The following GSE1 variants were observed in gnomAD, a reference collection of about 807,000 sequenced individuals.
GSE1 encodes genetic suppressor element 1.
GSE1 carries 32 observed loss-of-function variants against 112.6 expected under a neutral mutation model. The ratio of observed to expected loss-of-function variants is 0.28; its 90% confidence interval spans 0.21 to 0.38. GSE1 has a LOEUF of 0.38. GSE1 is among the 10% of genes least tolerant of loss of function. GSE1 has a pLI of 1.00. For missense variants in GSE1, 2,348 were observed against 1,699.2 expected (o/e 1.38, Z -6.71); for synonymous variants, 1,115 against 735.6 (o/e 1.52, Z -8.35).
At chr16:85,279,515 G>C (rs897311618) in intron 1 of GSE1, among the ~76,000 whole-genome samples, 1 of 152,146 alleles carries the variant, frequency 6.6e-6, no homozygotes, top group African/African-American at 2.4e-5. Flanking sequence ...GGGATCACTT[G>C]AGCCCAGGAG....
In GSE1 at chr16:85,599,052, G is replaced by A. The variant is rs974912060; in HGVS notation, c.37+42689G>A. 9.8e-5 allele frequency among the ~76,000 whole-genome samples: 15 copies of A among 152,308 alleles called. 1 individual carries two copies. Among genetic ancestry groups the A allele is most frequent in the South Asian group, 2.1e-4 (1 of 4,832 alleles). Reference sequence around the variant, plus strand: ...TCCAGTAACCGCAGGAGACGTCTTCGGGTAAGGCCCACTCACATCTTCGTG... The same window carrying A: ...TCCAGTAACCGCAGGAGACGTCTTCAGGTAAGGCCCACTCACATCTTCGTG... On this transcript the variant is annotated intron_variant, in intron 1 of 2. Coordinates refer to the GSE1 transcript ENST00000635906.
intron 1 of GSE1, among the ~76,000 whole-genome samples, chr16:85,310,247 G>T (rs2045800247): frequency 6.6e-6 from 1 of 152,216 alleles, no homozygotes. Flanking sequence ...CGTGAGGCGT[G>T]TAACTGCTGT....
chr16:85,618,233 C>T lies in GSE1; in HGVS notation c.7+4835C>T, dbSNP rs369924721. On this transcript the variant is annotated intron_variant, in intron 1 of 15. Transcript: ENST00000253458. ...TGAGGGGGGTGCGTGCTAATGGTGA[C>T]ATAGATCCTTCCACTTTAATCATCA... 3.9e-5 allele frequency among the ~76,000 whole-genome samples: 6 copies of T among 152,226 alleles called. No individual in the cohort carries two copies. The East Asian group carries it at 9.7e-4, about 24-fold the overall frequency.
chr16:85,469,140 C>T (rs991579891), intron 2 of GSE1, among the ~76,000 whole-genome samples: 12 of 152,220 alleles, frequency 7.9e-5, no homozygotes, highest in African/African-American at 2.6e-4. Flanking sequence ...CCTGTAATCC[C>T]AGCCACTCGG....
In GSE1 at chr16:85,201,269, C is replaced by G. The variant is rs79580257; in HGVS notation, c.2283+29462C>G. Among the ~76,000 whole-genome samples the G allele has an allele frequency of 7.9e-3, 1,194 of 151,468 alleles. 24 individuals are homozygous for G. The highest frequency in any genetic ancestry group is 0.027 in the African/African-American group (1,135 of 41,302). ...TTTTTGTTTTAGAGACAGGGCCTCCCTGTGTTGCTCAGGCTGAGTTTGAAC... is the reference window on the plus strand; with the variant it reads ...TTTTTGTTTTAGAGACAGGGCCTCCGTGTGTTGCTCAGGCTGAGTTTGAAC... On this transcript the variant is annotated intron_variant, in intron 1 of 2. Transcript: ENST00000637419.
chr16:85,654,249 T>C (rs1312833765), intron 3 of GSE1, 29 bp from the exon 4 acceptor site: 1 of 1,564,824 alleles, frequency 6.4e-7, no homozygotes, highest in Admixed American at 1.9e-5. Context: ...ACCAGGCTCC[T>C]GCCCTGACTG....
At chr16:85,649,188 T>A (rs2051128714) in intron 3 of GSE1, among the ~76,000 whole-genome samples, 1 of 152,142 alleles carries the variant, frequency 6.6e-6, no homozygotes. Context: ...CCCACCCTAA[T>A]GTCCTTATTC....
At chr16:85,300,002 A>G (rs751805266) in intron 1 of GSE1, among the ~76,000 whole-genome samples, 2 of 151,050 alleles carry the variant, frequency 1.3e-5, no homozygotes, top group Non-Finnish European at 1.5e-5. Flanking sequence ...TATAACATAC[A>G]ATTTCCCATG....
At chr16:85,349,830 C>T (rs2046817915) in intron 1 of GSE1, among the ~76,000 whole-genome samples, 1 of 152,222 alleles carries the variant, frequency 6.6e-6, no homozygotes, top group Non-Finnish European at 1.5e-5. Flanking sequence ...GCAAACCTCC[C>T]CTCTCTGCCA....
intron 1 of GSE1, among the ~76,000 whole-genome samples, chr16:85,343,547 G>A (rs905252988): frequency 3.3e-5 from 5 of 152,104 alleles, no homozygotes; most frequent in Admixed American, 6.5e-5. Context: ...CCAACAGTTC[G>A]AGATGAGCTT....
intron 2 of GSE1, among the ~76,000 whole-genome samples, chr16:85,512,052 C>T (rs1048653480): frequency 5.3e-5 from 8 of 152,072 alleles, no homozygotes; most frequent in South Asian, 4.2e-4. Context: ...TGTGAGGGTC[C>T]GGGGGCTGGA....
chr16:85,456,759 C>A (rs893380297), intron 2 of GSE1, among the ~76,000 whole-genome samples: 12 of 152,132 alleles, frequency 7.9e-5, no homozygotes, highest in African/African-American at 2.9e-4. Context: ...GGGTGAGAGG[C>A]CCGCTAGGAG....
chr16:85,174,756 C>T (rs185319245), intron 1 of GSE1, among the ~76,000 whole-genome samples: 4 of 152,164 alleles, frequency 2.6e-5, no homozygotes, highest in African/African-American at 4.8e-5. Context: ...GCATGGGCAG[C>T]GAAGGTGACA....
intron 1 of GSE1, among the ~76,000 whole-genome samples, chr16:85,324,184 C>T (rs372267474): frequency 6.6e-6 from 1 of 152,118 alleles, no homozygotes; most frequent in African/African-American, 2.4e-5. Flanking sequence ...GCCCGAGGAC[C>T]CAGTTACTGC....
At chr16:85,276,295 C>T (rs376748067) in intron 1 of GSE1, among the ~76,000 whole-genome samples, 6 of 152,138 alleles carry the variant, frequency 3.9e-5, no homozygotes, top group East Asian at 3.9e-4. Flanking sequence ...CTTGTTACAA[C>T]GGGTACTGCT....
intron 1 of GSE1, among the ~76,000 whole-genome samples, chr16:85,266,259 T>C (rs2144141601): frequency 6.6e-6 from 1 of 152,224 alleles, no homozygotes; most frequent in African/African-American, 2.4e-5. Flanking sequence ...GCATGCGTCC[T>C]CTCTCTCTAG....
At position 85,639,736 on chromosome 16, in the gene GSE1, G is replaced by A. The variant is rs372105216; in HGVS notation, c.226+5604G>A. On this transcript the variant is annotated intron_variant, in intron 2 of 15. Coordinates refer to ENST00000253458, the MANE Select transcript of GSE1 (RefSeq NM_014615.5). ...CCAGTGTCTCTGCAGAGGGCAGGCC[G>A]TGGAGCCTCCACCGCCGCCCCCACT... Among the ~76,000 whole-genome samples the A allele has an allele frequency of 4.3e-4, 65 of 152,380 alleles. No homozygotes were observed. In the East Asian group the frequency reaches 0.01, roughly 24 times the overall value.
At chr16:85,449,287 C>T (rs1350207334) in intron 2 of GSE1, among the ~76,000 whole-genome samples, 1 of 152,248 alleles carries the variant, frequency 6.6e-6, no homozygotes, top group Admixed American at 6.5e-5. Context: ...GGCAGCTGTT[C>T]CTGGCCTAAC....
chr16:85,421,652 C>G (rs558599874), intron 2 of GSE1, among the ~76,000 whole-genome samples: 40 of 152,274 alleles, frequency 2.6e-4, no homozygotes, highest in Non-Finnish European at 2.1e-4. Flanking sequence ...CGGTTTCCAC[C>G]TGGGGGCGTC....
Sources: allele counts gnomAD v4.1 joint callset (sites outside exome capture counted in the v4.1 genomes callset), GRCh38; gene constraint gnomAD v4.1.1; transcripts MANE v1.5; gene names NCBI Gene and HGNC (gene_info 2026-07-23, HGNC 2026-07-21).